The following GNAT3 variants were observed in gnomAD, a reference collection of about 807,000 sequenced individuals.
GNAT3 encodes G protein subunit alpha transducin 3, also known as guanine nucleotide-binding protein G(t) subunit alpha-3.
Under a neutral mutation model 37.7 loss-of-function variants are expected in GNAT3, and 31 were observed. The ratio of observed to expected loss-of-function variants is 0.82; its 90% CI spans 0.62 to 1.11. GNAT3 has a LOEUF of 1.11. Ranked by LOEUF, GNAT3 falls within the 50% of genes most tolerant of loss-of-function variation. The probability of loss-of-function intolerance (pLI) is 0.00; values close to 1 mark genes in which losing one functional copy is unlikely to be tolerated. For missense variants in GNAT3, 437 were observed against 412.5 expected, an observed-to-expected ratio of 1.06 and a Z score of -0.51; for synonymous variants, 138 against 139.8, an observed-to-expected ratio of 0.99 and a Z score of 0.09.
chr7:80,511,876 T>G lies in GNAT3; in HGVS notation c.51A>C (p.Lys17Asn), dbSNP rs542314215. 13 of 1,612,394 alleles carry G rather than the reference T, an allele frequency of 8.1e-6. No individual in the cohort carries two copies. The highest frequency in any genetic ancestry group is 2.2e-5 in the East Asian group (1 of 44,838). ...SESKESAKRS[K>N]ELEKKLQEDA... Reference sequence around the variant, plus strand: ...CCTCCTGAAGCTTTTTCTCCAGTTCTTTTGATCTTTTGGCTGACTCCTTGC... The same window carrying G: ...CCTCCTGAAGCTTTTTCTCCAGTTCGTTTGATCTTTTGGCTGACTCCTTGC... Residue 17 changes from lysine to asparagine, a missense_variant, in exon 1 of 8, where the codon AAA becomes AAC. Physicochemically the swap from Lys to Asn is moderately conservative, Grantham distance 94. Coordinates refer to ENST00000398291, the MANE Select transcript of GNAT3 (RefSeq NM_001102386.3).
intron 5 of GNAT3, among the ~76,000 whole-genome samples, chr7:80,472,333 C>T (rs943394014): frequency 6.6e-6 from 1 of 152,084 alleles, no homozygotes; most frequent in African/African-American, 2.4e-5. Context: ...CCCTCCATCG[C>T]CTTACTGCCC....
At chr7:80,487,720 A>C (rs1420644336) in intron 3 of GNAT3, 1 of 152,084 alleles carries the variant, frequency 6.6e-6, no homozygotes, top group East Asian at 1.9e-4. Flanking sequence ...TAGGCATTCA[A>C]CTGGCATCCT....
At position 80,474,321 on chromosome 7, in the gene GNAT3, C is replaced by CAGAT. The variant is rs1370150176; in HGVS notation, c.519_520insATCT (p.Val174IlefsTer14). 7 of 1,572,516 alleles carry CAGAT rather than the reference C, an allele frequency of 4.5e-6. No individual in the cohort carries two copies. Among genetic ancestry groups the CAGAT allele is most frequent in the Non-Finnish European group, 6.1e-6 (7 of 1,156,252 alleles). Reference sequence around the variant, plus strand: ...GTCGTTTTCACTCGAGAATGGAGAACATCTTGTTCATTTGGCACATACCCA... The same window carrying CAGAT: ...GTCGTTTTCACTCGAGAATGGAGAACAGATATCTTGTTCATTTGGCACATACCCA... On this transcript the variant is annotated frameshift_variant, in exon 5 of 8. Coordinates refer to ENST00000398291, the MANE Select transcript of GNAT3 (RefSeq NM_001102386.3). LOFTEE classifies it high-confidence loss of function.
At chr7:80,472,828 A>G (rs1790241545) in intron 5 of GNAT3, among the ~76,000 whole-genome samples, 1 of 152,192 alleles carries the variant, frequency 6.6e-6, no homozygotes, top group East Asian at 1.9e-4. Context: ...GCAAATAAAG[A>G]AAAGGTTAAC....
intron 5 of GNAT3, among the ~76,000 whole-genome samples, chr7:80,463,551 C>A (rs538377838): frequency 1.3e-5 from 2 of 151,908 alleles, no homozygotes; most frequent in Non-Finnish European, 2.9e-5. Flanking sequence ...CCTCCTGGAG[C>A]GTCCATTTAA....
In GNAT3 at chr7:80,458,830, G is replaced by A. The variant is rs1302697298; in HGVS notation, c.906C>T (p.Tyr302=). 7 of 1,589,744 alleles carry A rather than the reference G, an allele frequency of 4.4e-6. No homozygotes were observed. The highest frequency in any genetic ancestry group is 6.0e-6 in the Non-Finnish European group (7 of 1,169,508). Residue 302 remains tyrosine (Y), a synonymous_variant, in exon 8 of 8, where the codon TAC becomes TAT. Coordinates refer to ENST00000398291, the MANE Select transcript of GNAT3 (RefSeq NM_001102386.3). ...TCAGGTCTAGAAACTGGTTCTTGAT[G>A]TAGTTTCCTGCATCTTCAAATGTAT... ...GPNTFEDAGN[Y]IKNQFLDLNL...
At chr7:80,503,322 G>T (rs1342622781) in intron 1 of GNAT3, among the ~76,000 whole-genome samples, 2 of 152,060 alleles carry the variant, frequency 1.3e-5, no homozygotes, top group Non-Finnish European at 2.9e-5. Context: ...AACAAAAGCA[G>T]ATATGTTCTT....
chr7:80,458,793 CT>C lies in GNAT3; in HGVS notation c.942del (p.Glu315LysfsTer9), dbSNP rs748562154. ...ATGTGGGAATAAATTTCCTTATCTT[CT>C]TTTTTTAAATTCAGGTCTAGAAACT... ...KNQFLDLNLK[K>X]EDKEIYSHMT... On this transcript the variant is annotated frameshift_variant, in exon 8 of 8. Coordinates refer to ENST00000398291, the MANE Select transcript of GNAT3 (RefSeq NM_001102386.3). LOFTEE classifies it low-confidence loss of function (END_TRUNC). 4 of 1,596,328 alleles carry C rather than the reference CT, an allele frequency of 2.5e-6. No homozygotes were observed. Among genetic ancestry groups the C allele is most frequent in the South Asian group, 1.1e-5 (1 of 87,308 alleles).
At chr7:80,476,100 A>G (rs1406104856) in intron 4 of GNAT3, among the ~76,000 whole-genome samples, 1 of 152,004 alleles carries the variant, frequency 6.6e-6, no homozygotes, top group Non-Finnish European at 1.5e-5. Flanking sequence ...AAAAAAACCC[A>G]AAAATATACC....
At chr7:80,470,293 C>T (rs1490107754) in intron 5 of GNAT3, among the ~76,000 whole-genome samples, 2 of 152,120 alleles carry the variant, frequency 1.3e-5, no homozygotes, top group Non-Finnish European at 2.9e-5. Flanking sequence ...GCGATCTTGG[C>T]TCACTGCAAC....
At position 80,505,527 on chromosome 7, in the gene GNAT3, C is replaced by A. The variant is rs555758662; in HGVS notation, c.118+6282G>T. The stretch of plus-strand genomic sequence containing the variant: ...GACTACAGGCGCCCGCCAACACGCC[C>A]GGCTAACTTTTTATATTTTTATTAT... On this transcript the variant is annotated intron_variant, in intron 1 of 7. Transcript: ENST00000398291. Among the ~76,000 whole-genome samples the A allele has an allele frequency of 1.9e-4, 29 of 152,160 alleles. 1 individual carries two copies. The highest frequency in any genetic ancestry group is 3.4e-3 in the Middle Eastern group (1 of 292).
chr7:80,510,069 A>C (rs1294495027), intron 1 of GNAT3, among the ~76,000 whole-genome samples: 1 of 152,098 alleles, frequency 6.6e-6, no homozygotes, highest in Admixed American at 6.6e-5. Flanking sequence ...GATCTCTTGA[A>C]ATTTATTCTT....
At chr7:80,502,261 T>G (rs375374700) in intron 1 of GNAT3, among the ~76,000 whole-genome samples, 2 of 152,256 alleles carry the variant, frequency 1.3e-5, no homozygotes, top group African/African-American at 2.4e-5. Flanking sequence ...ATTAAATATG[T>G]ATAGCTTTTG....
Position 80,462,527 on chromosome 7 carries a change from A to C in GNAT3, c.695T>G (p.Met232Arg), listed in dbSNP as rs757152594. The change falls in exon 6 of 8, where the codon ATG (methionine) becomes AGG (arginine). Residue 232 changes from methionine (M) to arginine (R), a missense_variant. Physicochemically the swap from Met to Arg is moderately conservative, Grantham distance 91. Coordinates refer to ENST00000398291, the MANE Select transcript of GNAT3 (RefSeq NM_001102386.3). ...IFCAALSAYD[M>R]VLVEDEEVNR... ...CACTTCTTCGTCTTCCACGAGGACC[A>C]TGTCATAGGCACTAAGTGCAGCACA... The C allele has an allele frequency of 6.2e-7, 1 of 1,613,680 alleles. No homozygotes were observed. Among genetic ancestry groups the C allele is most frequent in the South Asian group, 1.1e-5 (1 of 90,958 alleles).
At chr7:80,506,284 C>T (rs1790938157) in intron 1 of GNAT3, among the ~76,000 whole-genome samples, 1 of 152,200 alleles carries the variant, frequency 6.6e-6, no homozygotes, top group South Asian at 2.1e-4. Context: ...ACCTCCTTAG[C>T]AAATACTATC....
Position 80,469,751 on chromosome 7 carries a change from A to G in GNAT3, c.590+4500T>C, listed in dbSNP as rs568371780. Among the ~76,000 whole-genome samples, 80 of 152,276 alleles carry G rather than the reference A, an allele frequency of 5.3e-4. 1 individual carries two copies. Among genetic ancestry groups the G allele is most frequent in the Non-Finnish European group, 1.8e-4 (12 of 68,014 alleles). ...TTTTAACACCTGGGCACTTGCTGAA[A>G]AAAAGTTGGAAGGTACATTATTTTT... On this transcript the variant is annotated intron_variant, in intron 5 of 7. Coordinates refer to ENST00000398291, the MANE Select transcript of GNAT3 (RefSeq NM_001102386.3).
chr7:80,497,042 A>G (rs1790730242), intron 1 of GNAT3, among the ~76,000 whole-genome samples: 1 of 152,176 alleles, frequency 6.6e-6, no homozygotes, highest in Admixed American at 6.5e-5. Context: ...CCTCTCCATG[A>G]TTTTATGCTA....
At chr7:80,466,257 T>C (rs775803557) in intron 5 of GNAT3, among the ~76,000 whole-genome samples, 24 of 152,114 alleles carry the variant, frequency 1.6e-4, no homozygotes, top group Non-Finnish European at 2.8e-4. Context: ...GTAAGTTTTC[T>C]CCACTAAGCA....
At chr7:80,484,512 G>T (rs745746106) in intron 3 of GNAT3, among the ~76,000 whole-genome samples, 16 of 152,040 alleles carry the variant, frequency 1.1e-4, no homozygotes, top group Non-Finnish European at 1.5e-5. Context: ...TGTCCAAGAT[G>T]ATTACAACAG....
Sources: gnomAD v4.1 joint callset for allele counts (sites outside exome capture counted in the v4.1 genomes callset) on GRCh38, gnomAD v4.1.1 for gene constraint, MANE v1.5 for transcripts, NCBI Gene and HGNC (gene_info 2026-07-23, HGNC 2026-07-21) for gene names.